FAN1: variants seen among roughly 807,000 people sequenced by gnomAD.
The protein encoded by FAN1 is fanconi-associated nuclease 1.
FAN1 carries 91 observed loss-of-function variants against 104.9 expected under a neutral mutation model. That is an observed-to-expected ratio of 0.87 (90% CI 0.73 to 1.03). The LOEUF is 1.03. FAN1 is among the 50% of genes least tolerant of loss of function. The pLI, the probability that FAN1 is intolerant of heterozygous loss-of-function variation, is 0.00. For synonymous variants in FAN1, 478 were observed against 457.6 expected (o/e 1.04, Z -0.57); for missense variants, 1,263 against 1,239.9 (o/e 1.02, Z -0.28).
chr15:30,929,693 A>AATATATAATATATCATAT (rs2062583969), intron 12 of FAN1, among the ~76,000 whole-genome samples: 4 of 104,254 alleles, frequency 3.8e-5, no homozygotes, highest in African/African-American at 3.8e-5. Context: ...AATATATATA[A>AATATATAATATATCATAT]AATATATATT....
intron 13 of FAN1, among the ~76,000 whole-genome samples, chr15:30,934,526 A>G (rs2062800751): frequency 1.3e-5 from 2 of 152,052 alleles, no homozygotes; most frequent in Non-Finnish European, 2.9e-5. Flanking sequence ...GGTGCACGCC[A>G]CCATGCCTGG....
intron 5 of FAN1, among the ~76,000 whole-genome samples, chr15:30,916,942 C>T (rs1773334220): frequency 6.6e-6 from 1 of 152,114 alleles, no homozygotes; most frequent in African/African-American, 2.4e-5. Context: ...GTAGCTGTGT[C>T]AGGGTCTGGG....
intron 10 of FAN1, chr15:30,928,037 G>T: frequency 2.0e-6 from 2 of 990,692 alleles, no homozygotes; most frequent in Non-Finnish European, 2.4e-6. Flanking sequence ...GTAGTACCCA[G>T]GGGGATGAGG....
At chr15:30,912,662 G>C (rs755763420) in intron 4 of FAN1, among the ~76,000 whole-genome samples, 1 of 152,156 alleles carries the variant, frequency 6.6e-6, no homozygotes, top group African/African-American at 2.4e-5. Context: ...GCACCAGAAG[G>C]GTGTGACATC....
Position 30,905,654 on chromosome 15 carries a change from T to A in FAN1, c.991T>A (p.Ser331Thr). Reference sequence around the variant, plus strand: ...ATCTCATAGTTCTGCAGATGATGCTTCTGCATGGAGTAACATCCAAGAGGC... The same window carrying A: ...ATCTCATAGTTCTGCAGATGATGCTACTGCATGGAGTAACATCCAAGAGGC... ...AKSHSSADDA[S>T]AWSNIQEAPL... The change falls in exon 2 of 15, where the codon TCT (serine) becomes ACT (threonine). Residue 331 changes from serine (S) to threonine (T), a missense_variant. Physicochemically the swap from Ser to Thr is moderately conservative, Grantham distance 58. This residue lies in a region of FAN1 where 682 missense variants were observed against 571.1 expected (regional missense o/e 1.19). Coordinates refer to ENST00000362065, the MANE Select transcript of FAN1 (RefSeq NM_014967.5). 1.9e-6 allele frequency: 3 copies of A among 1,614,162 alleles called. No individual in the cohort carries two copies. The highest frequency in any genetic ancestry group is 2.5e-6 in the Non-Finnish European group (3 of 1,179,996).
At chr15:30,934,249 C>CT (rs1263140322) in intron 13 of FAN1, among the ~76,000 whole-genome samples, 3 of 151,794 alleles carry the variant, frequency 2.0e-5, no homozygotes, top group African/African-American at 2.4e-5. Flanking sequence ...CTTCAGCCTT[C>CT]TTTTTTTTAA....
rs754471119 is a variant in FAN1 at position 30,910,746 on chromosome 15, T to C, written c.1508T>C (p.Leu503Ser). 8 of 1,614,042 alleles carry C rather than the reference T, an allele frequency of 5.0e-6. No individual in the cohort carries two copies. The change falls in exon 4 of 15, where the codon TTG becomes TCG. Residue 503 changes from leucine to serine, a missense_variant. Transcript: ENST00000362065. ...CAGCTGGTGGACGCCTTTCTCAAAT[T>C]GGCCAAACAGCGTTCAGTCTGCACT... is the stretch of plus-strand genomic sequence containing the variant. ...KQQLVDAFLK[L>S]AKQRSVCTWG...
rs2063105395 is a variant in FAN1, at chr15:30,943,044, A to C, written c.*1482A>C. 22 of 1,538,208 alleles carry C rather than the reference A, an allele frequency of 1.4e-5. No homozygotes were observed. The highest frequency in any genetic ancestry group is 1.8e-5 in the Non-Finnish European group (21 of 1,143,666). On this transcript the variant is annotated 3_prime_UTR_variant, in exon 15 of 15. Transcript: ENST00000362065. ...GAATTTTAAGCCCTTCTCATCACCC[A>C]ATTGGATGTTTTTGCTTATAGCAAA... is the stretch of plus-strand genomic sequence containing the variant.
At chr15:30,908,945 G>GA (rs1334970807) in intron 3 of FAN1, among the ~76,000 whole-genome samples, 4 of 152,142 alleles carry the variant, frequency 2.6e-5, no homozygotes, top group Admixed American at 1.3e-4. Context: ...CTGGTTGTTT[G>GA]AAACCCATAT....
At chr15:30,907,946 A>G (rs2062017912) in intron 2 of FAN1, among the ~76,000 whole-genome samples, 172 bp from the exon 3 acceptor site, 1 of 152,240 alleles carries the variant, frequency 6.6e-6, no homozygotes, top group South Asian at 2.1e-4. Context: ...TTTTAAAATG[A>G]CCAATAATTG....
intron 6 of FAN1, among the ~76,000 whole-genome samples, chr15:30,919,706 AAAAG>A (rs1479730527): frequency 1.3e-5 from 2 of 151,566 alleles, no homozygotes; most frequent in Non-Finnish European, 2.9e-5. Flanking sequence ...AAAAAAAAAA[AAAAG>A]AAAATCATAA....
chr15:30,932,867 C>A (rs2062752533), intron 13 of FAN1, among the ~76,000 whole-genome samples: 1 of 151,260 alleles, frequency 6.6e-6, no homozygotes. Flanking sequence ...TGTGCACCAC[C>A]ATGCCTGGAT....
At chr15:30,941,543 C>T (rs762225508) in intron 14 of FAN1, 23 bp from the exon 15 acceptor site, 1 of 1,607,906 alleles carries the variant, frequency 6.2e-7, no homozygotes, top group South Asian at 1.1e-5. Context: ...TAATGGTGTT[C>T]CTAAAATGCT....
intron 7 of FAN1, 98 bp from the exon 8 acceptor site, chr15:30,922,137 A>G (rs1595855157): frequency 2.8e-6 from 4 of 1,437,410 alleles, no homozygotes; most frequent in Non-Finnish European, 2.8e-6. Flanking sequence ...AAAGATACGC[A>G]TTATAAATAG....
intron 10 of FAN1, 58 bp from the exon 11 acceptor site, chr15:30,928,495 T>G (rs2062523470): frequency 6.4e-7 from 1 of 1,564,648 alleles, no homozygotes; most frequent in Non-Finnish European, 8.7e-7. Context: ...AAGAAACAGA[T>G]AAAACAGATT....
chr15:30,920,639 C>T lies in FAN1; in HGVS notation c.2038C>T (p.Leu680Phe). 6.2e-7 allele frequency: 1 copy of T among 1,605,602 alleles called. No homozygotes were observed. Among genetic ancestry groups the T allele is most frequent in the East Asian group, 2.2e-5 (1 of 44,788 alleles). ...TCGGTTTGTGGAAATACTGCAGAGA[C>T]TTCACATGTATGAGGTTAGAGCACA... ...LSRFVEILQR[L>F]HMYEEAVREL... is the part of the protein sequence containing the mutation. Residue 680 changes from leucine to phenylalanine, a missense_variant, in exon 7 of 15, where the codon CTT (leucine) becomes TTT (phenylalanine). Leu to Phe is a conservative substitution (Grantham distance 22, BLOSUM62 0). Around this residue, in one of 2 missense-constraint regions of FAN1, gnomAD observed 581 missense variants for 668.8 expected, o/e 0.87. Coordinates refer to ENST00000362065, the MANE Select transcript of FAN1 (RefSeq NM_014967.5).
rs753503915 is a variant in FAN1, at chr15:30,941,634, G to A, written c.*72G>A. 5.8e-5 allele frequency: 94 copies of A among 1,607,926 alleles called. No homozygotes were observed. Among genetic ancestry groups the A allele is most frequent in the Non-Finnish European group, 7.8e-5 (92 of 1,177,104 alleles). On this transcript the variant is annotated 3_prime_UTR_variant, in exon 15 of 15. Transcript: ENST00000362065. Reference sequence around the variant, plus strand: ...GGTGTCCCCGAGGTGTCGGTGTGGTGAGGGCCGCTGGCGTTGAAGTACATC... The same window carrying A: ...GGTGTCCCCGAGGTGTCGGTGTGGTAAGGGCCGCTGGCGTTGAAGTACATC...
Position 30,942,257 on chromosome 15 carries a change from G to A in FAN1, c.*695G>A. 1 of 740,348 alleles carries A rather than the reference G, an allele frequency of 1.4e-6. No homozygotes were observed. The highest frequency in any genetic ancestry group is 2.9e-5 in the Admixed American group (1 of 34,866). 45.9% of individuals were successfully genotyped at this position (740,348 alleles called of 1,614,324 possible). A position where few individuals can be genotyped will look rare whatever the true frequency, so the allele number is the denominator to read the frequency against. On this transcript the variant is annotated 3_prime_UTR_variant, in exon 15 of 15. Coordinates refer to ENST00000362065, the MANE Select transcript of FAN1 (RefSeq NM_014967.5). ...CCCCTGGAATTACACTTTTTTATGT[G>A]TTGACTCTACCTAGGCTGTTACTAT... is the stretch of plus-strand genomic sequence containing the variant.
intron 3 of FAN1, among the ~76,000 whole-genome samples, chr15:30,909,400 A>AC (rs924603723): frequency 6.6e-6 from 1 of 152,052 alleles, no homozygotes; most frequent in Non-Finnish European, 1.5e-5. Flanking sequence ...GGGACACAGG[A>AC]CCCTCTGCAG....
Sources: allele counts gnomAD v4.1 joint callset (sites outside exome capture counted in the v4.1 genomes callset), GRCh38; gene constraint gnomAD v4.1.1; regional missense constraint gnomAD v4.1.1; transcripts MANE v1.5; gene names NCBI Gene and HGNC (gene_info 2026-07-23, HGNC 2026-07-21).